The following ZNF800 variants were observed in gnomAD, a reference collection of about 807,000 sequenced individuals.
The protein encoded by ZNF800 is zinc finger protein 800.
ZNF800 carries 13 observed loss-of-function variants against 59.5 expected under a neutral mutation model. That is an observed-to-expected ratio of 0.22 (90% CI 0.14 to 0.35). The LOEUF (loss-of-function observed/expected upper bound fraction) is 0.35, where lower values mean the gene tolerates loss of function less well. ZNF800 is among the 10% of genes least tolerant of loss of function. The pLI is 1.00. For missense variants in ZNF800, 621 were observed against 783.7 expected, an observed-to-expected ratio of 0.79 and a Z score of 2.48; for synonymous variants, 266 against 265.7, an observed-to-expected ratio of 1.00 and a Z score of -0.01.
At chr7:127,354,070 A>C (rs142752592) in intron 1 of ZNF800, among the ~76,000 whole-genome samples, 1 of 152,278 alleles carries the variant, frequency 6.6e-6, no homozygotes, top group East Asian at 1.9e-4. Flanking sequence ...GCCTTGAGAT[A>C]AACTGTTTGT....
chr7:127,366,386 T>C (rs1028316107), downstream of ZNF800, among the ~76,000 whole-genome samples: 1 of 152,124 alleles, frequency 6.6e-6, no homozygotes, highest in African/African-American at 2.4e-5. Context: ...TGTGGATGTC[T>C]GGAAAACAGC....
At chr7:127,362,073 C>T (rs1800404544) in intron 1 of ZNF800, 1 of 152,084 alleles carries the variant, frequency 6.6e-6, no homozygotes, top group Admixed American at 6.6e-5. Context: ...CCAACAGAGA[C>T]AGAATTATTC....
intron 1 of ZNF800, among the ~76,000 whole-genome samples, chr7:127,354,426 T>C (rs11563468): frequency 1.6e-3 from 250 of 152,122 alleles, no homozygotes; most frequent in Middle Eastern, 6.8e-3. Context: ...GGAAAGTTCA[T>C]GGACCAAGGA....
intron 1 of ZNF800, among the ~76,000 whole-genome samples, chr7:127,353,405 G>A (rs1800206160): frequency 6.6e-6 from 1 of 150,674 alleles, no homozygotes. Context: ...CTGTGTTCAG[G>A]GTTGAGGATA....
At position 127,373,887 on chromosome 7, in the gene ZNF800, A is replaced by G; in HGVS notation, c.1449T>C (p.Phe483=). ...RKPKLSAGFD[F]KQLYCKLCKR... is the part of the protein sequence containing the mutation. ...TACAAAGTTTACAGTAAAGTTGCTTAAAGTCAAAGCCAGCTGAAAGTTTTG... is the reference window on the plus strand; with the variant it reads ...TACAAAGTTTACAGTAAAGTTGCTTGAAGTCAAAGCCAGCTGAAAGTTTTG... Residue 483 remains phenylalanine, a synonymous_variant, in exon 5 of 6, where the codon TTT becomes TTC. Coordinates refer to ENST00000265827, the MANE Select transcript of ZNF800 (RefSeq NM_176814.5). 8 of 1,614,202 alleles carry G rather than the reference A, an allele frequency of 5.0e-6. No homozygotes were observed. The highest frequency in any genetic ancestry group is 5.9e-6 in the Non-Finnish European group (7 of 1,180,026).
chr7:127,367,978 T>C (rs1334293789), downstream of ZNF800, among the ~76,000 whole-genome samples: 1 of 152,066 alleles, frequency 6.6e-6, no homozygotes, highest in African/African-American at 2.4e-5. Context: ...GGTGAAAATA[T>C]GTAGAGGAAG....
chr7:127,379,403 T>C (rs1205799832), intron 3 of ZNF800, among the ~76,000 whole-genome samples: 2 of 152,206 alleles, frequency 1.3e-5, no homozygotes, highest in Non-Finnish European at 2.9e-5. Flanking sequence ...CAAAACCTGC[T>C]AGACCCATAA....
chr7:127,355,258 T>C (rs764174543), intron 1 of ZNF800, among the ~76,000 whole-genome samples: 20 of 151,730 alleles, frequency 1.3e-4, no homozygotes, highest in African/African-American at 3.4e-4. Flanking sequence ...CCAGGAAAAA[T>C]AGGACATGAA....
chr7:127,381,699 T>C (rs1284081879), intron 3 of ZNF800, among the ~76,000 whole-genome samples: 1 of 151,966 alleles, frequency 6.6e-6, no homozygotes, highest in Admixed American at 6.6e-5. Flanking sequence ...GCTTTGAATA[T>C]GAATGTAAGG....
intron 3 of ZNF800, among the ~76,000 whole-genome samples, chr7:127,380,026 A>C (rs887131995): frequency 6.6e-6 from 1 of 151,788 alleles, no homozygotes; most frequent in African/African-American, 2.4e-5. Context: ...TGACTATAAC[A>C]TTCTCCCACT....
At chr7:127,386,208 A>G in intron 2 of ZNF800, 53 bp from the exon 3 acceptor site, 1 of 1,103,910 alleles carries the variant, frequency 9.1e-7, no homozygotes, top group Non-Finnish European at 1.4e-6. Context: ...GGGTTATTTA[A>G]ATCATTTACT....
chr7:127,389,390 T>G (rs946039569), intron 2 of ZNF800, among the ~76,000 whole-genome samples: 1 of 152,204 alleles, frequency 6.6e-6, no homozygotes, highest in African/African-American at 2.4e-5. Flanking sequence ...TAAATTGACC[T>G]ATCTCTTCAA....
chr7:127,367,685 A>G (rs1800542608), downstream of ZNF800, among the ~76,000 whole-genome samples: 1 of 152,208 alleles, frequency 6.6e-6, no homozygotes. Flanking sequence ...ATAAAATGTT[A>G]AGACTTGAAG....
At position 127,371,618 on chromosome 7, in the gene ZNF800, A is replaced by G; in HGVS notation, c.*196T>C. 2.2e-6 allele frequency: 1 copy of G among 463,332 alleles called. No homozygotes were observed. The highest frequency in any genetic ancestry group is 3.9e-6 in the Non-Finnish European group (1 of 258,346). The allele number at this position is 463,332 out of a possible 1,614,324, so 28.7% of individuals were successfully genotyped here. A position where few individuals can be genotyped will look rare whatever the true frequency, so the allele number is the denominator to read the frequency against. The stretch of plus-strand genomic sequence containing the variant: ...TATCACAGCTACTTGAAAGTGCTGG[A>G]ATAGGCAGTGCCTTAGAAACAAGTG... On this transcript the variant is annotated 3_prime_UTR_variant, in exon 6 of 6. Coordinates refer to ENST00000265827, the MANE Select transcript of ZNF800 (RefSeq NM_176814.5).
chr7:127,386,901 T>C (rs1165133823), intron 2 of ZNF800, among the ~76,000 whole-genome samples: 3 of 152,082 alleles, frequency 2.0e-5, no homozygotes, highest in East Asian at 1.9e-4. Flanking sequence ...ATTAATACAT[T>C]GGTAGATGCA....
At chr7:127,367,628 C>T (rs17864205), downstream of ZNF800, among the ~76,000 whole-genome samples, 165 of 151,720 alleles carry the variant, frequency 1.1e-3, no homozygotes, top group Non-Finnish European at 1.8e-3. Context: ...AAACACAACA[C>T]TGGTGAAATT....
At chr7:127,366,831 A>G (rs1468677536), downstream of ZNF800, among the ~76,000 whole-genome samples, 1 of 152,116 alleles carries the variant, frequency 6.6e-6, no homozygotes, top group Non-Finnish European at 1.5e-5. Context: ...CAATCTACAG[A>G]CTGGCCAGCA....
intron 3 of ZNF800, among the ~76,000 whole-genome samples, chr7:127,382,388 C>T (rs1801002357): frequency 6.6e-6 from 1 of 152,070 alleles, no homozygotes; most frequent in African/African-American, 2.4e-5. Flanking sequence ...AGGTAGTACA[C>T]TTTTTATCTG....
rs761509560 is a variant in ZNF800, at chr7:127,373,523, C to T, written c.1813G>A (p.Val605Ile). 1.5e-5 allele frequency: 24 copies of T among 1,614,144 alleles called. No individual in the cohort carries two copies. The highest frequency in any genetic ancestry group is 4.4e-5 in the South Asian group (4 of 91,080). ...SPSKKYEVAD[V>I]GIEVKVTKNF... is the part of the protein sequence containing the mutation. The stretch of plus-strand genomic sequence containing the variant: ...TTTGTGACTTTTACTTCAATACCGA[C>T]GTCAGCTACTTCATACTTTTTACTA... The change falls in exon 5 of 6, where the codon GTC (valine) becomes ATC (isoleucine). Residue 605 changes from valine (V) to isoleucine (I), a missense_variant. This residue lies in a region of ZNF800 where 94 missense variants were observed against 108.5 expected (regional missense o/e 0.87). Transcript: ENST00000265827.
Sources: allele counts gnomAD v4.1 joint callset (sites outside exome capture counted in the v4.1 genomes callset), GRCh38; gene constraint gnomAD v4.1.1; regional missense constraint gnomAD v4.1.1; transcripts MANE v1.5; gene names NCBI Gene and HGNC (gene_info 2026-07-23, HGNC 2026-07-21).